Variants in SLC8A1 observed in about 807,000 individuals in gnomAD.
The protein encoded by SLC8A1 is sodium/calcium exchanger 1.
A neutral mutation model predicts 68.3 loss-of-function variants in SLC8A1; 18 were observed. The observed-to-expected ratio is 0.26, with a 90% confidence interval of 0.18 to 0.39. SLC8A1 has a LOEUF of 0.39. SLC8A1 is among the 10% of genes least tolerant of loss of function. The pLI is 1.00. For missense variants in SLC8A1, 985 were observed against 1,156.7 expected, an observed-to-expected ratio of 0.85 and a Z score of 2.15; for synonymous variants, 475 against 415.5, an observed-to-expected ratio of 1.14 and a Z score of -1.74.
At chr2:40,218,716 T>C (rs1455752165) in intron 2 of SLC8A1, among the ~76,000 whole-genome samples, 2 of 125,384 alleles carry the variant, frequency 1.6e-5, no homozygotes, top group Admixed American at 8.2e-5. Flanking sequence ...GATGAAAACA[T>C]TCTTCTGGGG....
At chr2:40,485,375 C>T (rs1704896477) in intron 1 of SLC8A1, among the ~76,000 whole-genome samples, 1 of 152,120 alleles carries the variant, frequency 6.6e-6, no homozygotes, top group Non-Finnish European at 1.5e-5. Flanking sequence ...GAATAGTGGG[C>T]ATTTAAAAAT....
chr2:40,399,998 G>A (rs1484514966), intron 2 of SLC8A1, among the ~76,000 whole-genome samples: 2 of 152,144 alleles, frequency 1.3e-5, no homozygotes, highest in Non-Finnish European at 1.5e-5. Flanking sequence ...GTATAGAAAA[G>A]CACTGTGAAA....
At chr2:40,182,825 T>A (rs530801627) in intron 2 of SLC8A1, among the ~76,000 whole-genome samples, 1 of 152,338 alleles carries the variant, frequency 6.6e-6, no homozygotes, top group Non-Finnish European at 1.5e-5. Flanking sequence ...CAGTCTCTTT[T>A]TCAACTTAAG....
chr2:40,306,722 T>C (rs2072688089), intron 2 of SLC8A1, among the ~76,000 whole-genome samples: 1 of 152,156 alleles, frequency 6.6e-6, no homozygotes, highest in South Asian at 2.1e-4. Flanking sequence ...CCAATGTCAA[T>C]TACTGCACGT....
At chr2:40,343,960 G>C (rs1043341459) in intron 2 of SLC8A1, among the ~76,000 whole-genome samples, 2 of 152,128 alleles carry the variant, frequency 1.3e-5, no homozygotes, top group Non-Finnish European at 2.9e-5. Flanking sequence ...CTACATGCCA[G>C]TACCCGCATC....
intron 2 of SLC8A1, among the ~76,000 whole-genome samples, chr2:40,369,226 A>C (rs999556230): frequency 6.6e-6 from 1 of 152,134 alleles, no homozygotes; most frequent in African/African-American, 2.4e-5. Context: ...AAGGCAAAAG[A>C]AACTGTCAAC....
intron 2 of SLC8A1, among the ~76,000 whole-genome samples, chr2:40,196,718 T>A (rs558909320): frequency 1.3e-5 from 2 of 152,134 alleles, no homozygotes; most frequent in South Asian, 4.1e-4. Context: ...AAAATAACCC[T>A]TTTCTTTCAT....
At chr2:40,207,907 G>A (rs1394012995) in intron 2 of SLC8A1, among the ~76,000 whole-genome samples, 1 of 152,046 alleles carries the variant, frequency 6.6e-6, no homozygotes, top group African/African-American at 2.4e-5. Context: ...ATATGTGCTA[G>A]GGCTGCACAT....
At chr2:40,430,674 CT>C (rs1253677107) in intron 1 of SLC8A1, among the ~76,000 whole-genome samples, 1 of 152,156 alleles carries the variant, frequency 6.6e-6, no homozygotes, top group Non-Finnish European at 1.5e-5. Flanking sequence ...AATCACAGGA[CT>C]TTTGAAGCAT....
intron 2 of SLC8A1, among the ~76,000 whole-genome samples, chr2:40,426,189 C>A (rs929845242): frequency 2.0e-5 from 3 of 151,946 alleles, no homozygotes; most frequent in Non-Finnish European, 4.4e-5. Flanking sequence ...TTTCATTCCA[C>A]TTATAAGTTA....
intron 6 of SLC8A1, among the ~76,000 whole-genome samples, chr2:40,150,053 A>T (rs1241639241): frequency 1.2e-5 from 1 of 81,150 alleles, no homozygotes. Context: ...TTATTTGTTA[A>T]AAAAAAAAAA....
chr2:40,290,922 C>G (rs904550354), intron 2 of SLC8A1, among the ~76,000 whole-genome samples: 2 of 152,324 alleles, frequency 1.3e-5, no homozygotes, highest in East Asian at 3.9e-4. Flanking sequence ...ATGGATTCCT[C>G]TGGCAACTTT....
chr2:40,434,817 G>T (rs1260944331), intron 1 of SLC8A1, among the ~76,000 whole-genome samples: 1 of 152,112 alleles, frequency 6.6e-6, no homozygotes, highest in Non-Finnish European at 1.5e-5. Context: ...ACTGACAAAG[G>T]ATGGTAAAAA....
At chr2:40,387,126 T>C (rs76863590) in intron 2 of SLC8A1, among the ~76,000 whole-genome samples, 4,271 of 151,552 alleles carry the variant, frequency 0.028, 116 homozygotes, top group Non-Finnish European at 0.041. Flanking sequence ...TCACAGAGCA[T>C]TGGACCTCAG....
chr2:40,449,182 A>AAC (rs1262508999), intron 1 of SLC8A1, among the ~76,000 whole-genome samples: 20 of 81,722 alleles, frequency 2.4e-4, no homozygotes, highest in African/African-American at 6.4e-4. Context: ...AAACAACAAC[A>AAC]AAAAAAAACA....
chr2:40,391,007 A>G (rs1376648197), intron 2 of SLC8A1, among the ~76,000 whole-genome samples: 1 of 152,038 alleles, frequency 6.6e-6, no homozygotes, highest in Non-Finnish European at 1.5e-5. Context: ...ATGTTTCTAG[A>G]AAGATTACTG....
intron 1 of SLC8A1, among the ~76,000 whole-genome samples, chr2:40,444,225 G>A (rs1426928480): frequency 2.0e-5 from 3 of 152,270 alleles, no homozygotes; most frequent in African/African-American, 7.2e-5. Flanking sequence ...TGTGGTCCCA[G>A]CTACTCAGGA....
chr2:40,173,732 G>C (rs2047960027), intron 4 of SLC8A1, among the ~76,000 whole-genome samples: 1 of 146,986 alleles, frequency 6.8e-6, no homozygotes, highest in East Asian at 1.9e-4. Context: ...TTTGATATCT[G>C]CACAATATAT....
intron 2 of SLC8A1, among the ~76,000 whole-genome samples, chr2:40,226,053 G>T (rs2148868899): frequency 6.6e-6 from 1 of 152,196 alleles, no homozygotes; most frequent in Admixed American, 6.5e-5. Context: ...AGCCAGCTTT[G>T]CTTGCAATTA....
Sources: allele counts gnomAD v4.1 joint callset (sites outside exome capture counted in the v4.1 genomes callset), GRCh38; gene constraint gnomAD v4.1.1; transcripts MANE v1.5; gene names NCBI Gene and HGNC (gene_info 2026-07-23, HGNC 2026-07-21).